CITED1: variants seen among roughly 807,000 people sequenced by gnomAD.
The protein encoded by CITED1 is cbp/p300-interacting transactivator 1.
A neutral mutation model predicts 8.5 loss-of-function variants in CITED1; 3 were observed. That is an observed-to-expected ratio of 0.35 (90% confidence interval 0.16 to 0.91). The LOEUF is 0.91. CITED1 is among the 40% of genes least tolerant of loss of function. CITED1 has a pLI of 0.46. For synonymous variants in CITED1, 54 were observed against 67.4 expected (o/e 0.80, Z 0.97); for missense variants, 113 against 154.8 (o/e 0.73, Z 1.43).
At position 72,301,915 on chromosome X, in the gene CITED1, C is replaced by T. The variant is rs1421694446; in HGVS notation, c.390G>A (p.Ala130=). Residue 130 remains alanine, a synonymous_variant, in exon 3 of 3, where the codon GCG becomes GCA. Coordinates refer to ENST00000651998, the MANE Select transcript of CITED1 (RefSeq NM_001144887.2). ...AAGGAGAGAGTGATTCTGCCCCTCC[C>T]GCCTGGGCCCCAAAGTCCCAGTTTT... is the stretch of plus-strand genomic sequence containing the variant. ...PLQNWDFGAQ[A]GGAESLSPSA... The T allele has an allele frequency of 7.4e-6, 9 of 1,210,889 alleles. No individual in the cohort carries two copies. The highest frequency in any genetic ancestry group is 5.9e-5 in the East Asian group (2 of 33,776).
At chrX:72,303,841 G>T (rs1262493440) in intron 1 of CITED1, among the ~76,000 whole-genome samples, 9 of 111,572 alleles carry the variant, frequency 8.1e-5, no homozygotes, top group Admixed American at 2.9e-4. Context: ...GAAGGCAAAA[G>T]AATACCTCCA....
At chrX:72,305,648 C>T (rs1030572440) in intron 1 of CITED1, 177 bp downstream of exon 1, 1 of 202,626 alleles carries the variant, frequency 4.9e-6, no homozygotes, top group African/African-American at 3.0e-5. Flanking sequence ...CGCGGCGAGT[C>T]CGCACTCCGG....
chrX:72,302,315 G>A (rs2043297449), intron 2 of CITED1, 71 bp from the exon 3 acceptor site: 1 of 1,108,560 alleles, frequency 9.0e-7, no homozygotes, highest in African/African-American at 1.8e-5. Flanking sequence ...AGCAGATTTA[G>A]AAGGTTCCTA....
chrX:72,304,692 G>C (rs1178606707), intron 1 of CITED1, among the ~76,000 whole-genome samples: 1 of 111,511 alleles, frequency 9.0e-6, no homozygotes, highest in Admixed American at 9.5e-5. Context: ...AAAATCAAAA[G>C]AGAGAACGAG....
Position 72,305,602 on chromosome X carries a change from A to G in CITED1, c.-66+223T>C, listed in dbSNP as rs770929595. 4 of 258,135 alleles carry G rather than the reference A, an allele frequency of 1.5e-5. No homozygotes were observed. The Admixed American group carries it at 2.6e-4, about 17-fold the overall frequency. 21.3% of individuals were successfully genotyped at this position (258,135 alleles called of 1,213,427 possible). A position where few individuals can be genotyped will look rare whatever the true frequency, so the allele number is the denominator to read the frequency against. ...ATCAGGAACTGATCTTAGAGACAGG[A>G]TGGACAGGCAGGAAGGGGCACGGGG... On this transcript the variant is annotated intron_variant, in intron 1 of 2. Transcript: ENST00000651998.
chrX:72,304,958 T>C (rs2043321776), intron 1 of CITED1, among the ~76,000 whole-genome samples: 2 of 113,052 alleles, frequency 1.8e-5, no homozygotes, highest in Admixed American at 9.3e-5. Context: ...CCCGGCTTTC[T>C]GCCCTCCTCC....
chrX:72,304,170 T>C (rs1438735712), intron 1 of CITED1: 4 of 438,566 alleles, frequency 9.1e-6, no homozygotes, highest in Non-Finnish European at 1.1e-5. Flanking sequence ...GTCTCTAATC[T>C]TTCCAAGGAG....
rs1160380380 is a variant in CITED1 at position 72,305,826 on chromosome X, C to G, written c.-67G>C. On this transcript the variant is annotated splice_region_variant and 5_prime_UTR_variant, in exon 1 of 3. Coordinates refer to ENST00000651998, the MANE Select transcript of CITED1 (RefSeq NM_001144887.2). ...GCTCGGAGAGGTGCGGTAACTTGCC[C>G]AAGGTCACAGCGCTAGAAAGTGGCG... 4.4e-5 allele frequency: 5 copies of G among 113,983 alleles called. No individual in the cohort carries two copies. Among genetic ancestry groups the G allele is most frequent in the African/African-American group, 1.6e-4 (5 of 31,012 alleles). 9.4% of individuals were successfully genotyped at this position (113,983 alleles called of 1,213,427 possible).
intron 2 of CITED1, 81 bp downstream of exon 2, chrX:72,302,729 G>C: frequency 2.3e-6 from 2 of 851,147 alleles, no homozygotes; most frequent in Admixed American, 2.7e-5. Context: ...AGGACACTGG[G>C]TAATGCACCT....
At chrX:72,302,468 T>C (rs756116519) in intron 2 of CITED1, among the ~76,000 whole-genome samples, 20 of 111,924 alleles carry the variant, frequency 1.8e-4, no homozygotes, top group African/African-American at 6.5e-4. Context: ...GCACCTGCCA[T>C]CCTAAGTGGG....
chrX:72,305,956 TG>T (rs2043335176), upstream of CITED1: 1 of 110,324 alleles, frequency 9.1e-6, no homozygotes, highest in African/African-American at 3.3e-5. Flanking sequence ...GAGAGGGGTG[TG>T]CGCGTGGGTG....
In CITED1 at chrX:72,301,973, G is replaced by A. The variant is rs1031611121; in HGVS notation, c.332C>T (p.Thr111Ile). ...NSQYQGMAAA[T>I]PGQPGEAGPL... ...TCCTGCCTCCCCGGGTTGGCCTGGAGTGGCAGCAGCCATCCCCTGATACTG... is the reference window on the plus strand; with the variant it reads ...TCCTGCCTCCCCGGGTTGGCCTGGAATGGCAGCAGCCATCCCCTGATACTG... The change falls in exon 3 of 3, where the codon ACT becomes ATT. Residue 111 changes from threonine (T) to isoleucine (I), a missense_variant. Coordinates refer to ENST00000651998, the MANE Select transcript of CITED1 (RefSeq NM_001144887.2). The A allele has an allele frequency of 3.3e-6, 4 of 1,210,327 alleles. No individual in the cohort carries two copies. Among genetic ancestry groups the A allele is most frequent in the African/African-American group, 3.5e-5 (2 of 57,419 alleles).
At chrX:72,303,062 AC>A (rs1377650781) in intron 1 of CITED1, 128 bp from the exon 2 acceptor site, 6 of 840,395 alleles carry the variant, frequency 7.1e-6, no homozygotes, top group African/African-American at 2.0e-5. Flanking sequence ...TAGAATCAAG[AC>A]CAGAGATCAC....
chrX:72,306,270 A>AG (rs1362133812), upstream of CITED1, among the ~76,000 whole-genome samples: 1 of 105,269 alleles, frequency 9.5e-6, no homozygotes, highest in Non-Finnish European at 2.0e-5. Context: ...GCTGGCCGGC[A>AG]GGGGGGCGCG....
chrX:72,305,350 TAA>T, intron 1 of CITED1: 3 of 1,148,182 alleles, frequency 2.6e-6, no homozygotes, highest in Non-Finnish European at 3.5e-6. Flanking sequence ...AGGAGAAATT[TAA>T]AAATCCAAAC....
Position 72,301,972 on chromosome X carries a change from A to G in CITED1, c.333T>C (p.Thr111=), listed in dbSNP as rs772873372. Residue 111 remains threonine (T), a synonymous_variant, in exon 3 of 3, where the codon ACT becomes ACC. Coordinates refer to ENST00000651998, the MANE Select transcript of CITED1 (RefSeq NM_001144887.2). The stretch of plus-strand genomic sequence containing the variant: ...GTCCTGCCTCCCCGGGTTGGCCTGG[A>G]GTGGCAGCAGCCATCCCCTGATACT... ...NSQYQGMAAA[T]PGQPGEAGPL... 8.3e-7 allele frequency: 1 copy of G among 1,211,326 alleles called. No homozygotes were observed.
chrX:72,306,685 C>A (rs1293869874), upstream of CITED1: 2 of 109,970 alleles, frequency 1.8e-5, no homozygotes, highest in Non-Finnish European at 3.8e-5. Flanking sequence ...CGCTGCACCG[C>A]ACAGTGCCGC....
In CITED1 at chrX:72,302,810, C is replaced by T; in HGVS notation, c.60G>A (p.Glu20=). The change falls in exon 2 of 3, where the codon GAG becomes GAA. Residue 20 remains glutamate, a splice_region_variant and synonymous_variant. Transcript: ENST00000651998. ...TCATCTGTAAAATGGCAAAAATTAC[C>T]TCCTTCGCAGGTGAGGTGCCACCCT... The part of the protein sequence containing the change: ...DVKGGTSPAK[E]DANQEMSSVA... The T allele has an allele frequency of 8.3e-7, 1 of 1,205,924 alleles. No individual in the cohort carries two copies. The highest frequency in any genetic ancestry group is 1.1e-6 in the Non-Finnish European group (1 of 892,335).
chrX:72,306,795 C>T (rs1272327497), upstream of CITED1: 3 of 106,725 alleles, frequency 2.8e-5, no homozygotes, highest in East Asian at 9.1e-4. Context: ...GCTCCCTTCC[C>T]GGCGCTGGGG....
Sources: allele counts gnomAD v4.1 joint callset (sites outside exome capture counted in the v4.1 genomes callset), GRCh38; gene constraint gnomAD v4.1.1; transcripts MANE v1.5; gene names NCBI Gene and HGNC (gene_info 2026-07-23, HGNC 2026-07-21).